The following ADAMTSL3 variants were observed in gnomAD, a reference collection of about 807,000 sequenced individuals.
ADAMTSL3 encodes the protein ADAMTS-like protein 3.
Under a neutral mutation model 201.7 loss-of-function variants are expected in ADAMTSL3, and 128 were observed. The ratio of observed to expected loss-of-function variants is 0.63; its 90% CI spans 0.55 to 0.73. The LOEUF (loss-of-function observed/expected upper bound fraction) is 0.73, where lower values mean the gene tolerates loss of function less well. Ranked by LOEUF, ADAMTSL3 falls within the 30% of genes least tolerant of loss-of-function variation. ADAMTSL3 has a pLI of 0.00. For synonymous variants in ADAMTSL3, 738 were observed against 748.4 expected, an observed-to-expected ratio of 0.99 and a Z score of 0.23; for missense variants, 1,990 against 2,119.6, an observed-to-expected ratio of 0.94 and a Z score of 1.20.
chr15:83,820,066 C>G lies in ADAMTSL3; in HGVS notation c.600+19C>G, dbSNP rs767700637. 1.3e-6 allele frequency: 2 copies of G among 1,594,452 alleles called. No homozygotes were observed. The highest frequency in any genetic ancestry group is 2.7e-5 in the African/African-American group (2 of 74,476). ...CTGTCAGGTAAGCACACTTACCTCC[C>G]AATCCCCTGCTTTGGGGATGTGCCA... On this transcript the variant is annotated intron_variant, in intron 6 of 29. Transcript: ENST00000286744.
At chr15:83,941,101 A>G (rs1430637718) in intron 17 of ADAMTSL3, among the ~76,000 whole-genome samples, 2 of 151,688 alleles carry the variant, frequency 1.3e-5, no homozygotes, top group Non-Finnish European at 2.9e-5. Flanking sequence ...CATTTTTCCT[A>G]TACTTCATAG....
intron 2 of ADAMTSL3, among the ~76,000 whole-genome samples, chr15:83,691,541 G>A (rs973916238): frequency 6.6e-6 from 1 of 152,194 alleles, no homozygotes; most frequent in African/African-American, 2.4e-5. Context: ...TCTAGTTTGT[G>A]TGATTTTCCA....
chr15:83,681,027 C>T (rs2061469740), intron 2 of ADAMTSL3, among the ~76,000 whole-genome samples: 2 of 151,968 alleles, frequency 1.3e-5, no homozygotes, highest in Non-Finnish European at 2.9e-5. Context: ...GGTTTTATTC[C>T]TGTTTACATA....
At chr15:83,909,465 A>T (rs2401175) in intron 15 of ADAMTSL3, among the ~76,000 whole-genome samples, 95,397 of 152,082 alleles carry the variant, frequency 0.63, 31,023 homozygotes, top group African/African-American at 0.79. Context: ...GAATCTCTAC[A>T]TGAAGAATCC....
chr15:83,866,624 G>T (rs1023695593), intron 8 of ADAMTSL3, among the ~76,000 whole-genome samples: 1 of 152,024 alleles, frequency 6.6e-6, no homozygotes, highest in Non-Finnish European at 1.5e-5. Flanking sequence ...TGGGGGGAGT[G>T]GGGAGGGATA....
chr15:83,780,941 C>A (rs188026918), intron 4 of ADAMTSL3, among the ~76,000 whole-genome samples: 3 of 152,274 alleles, frequency 2.0e-5, no homozygotes, highest in Non-Finnish European at 4.4e-5. Context: ...CAAAACACCA[C>A]TTGAAGAAAT....
chr15:83,714,926 C>T (rs1232175516), intron 3 of ADAMTSL3, among the ~76,000 whole-genome samples: 1 of 86,522 alleles, frequency 1.2e-5, no homozygotes, highest in African/African-American at 5.0e-5. Context: ...TCCTTCCTTC[C>T]TTCCTTCCTT....
At chr15:83,968,744 G>C (rs1008085333) in intron 19 of ADAMTSL3, among the ~76,000 whole-genome samples, 1 of 152,182 alleles carries the variant, frequency 6.6e-6, no homozygotes, top group Non-Finnish European at 1.5e-5. Flanking sequence ...CAATAGCAAA[G>C]ACTTGGAACC....
At chr15:83,661,523 T>C (rs1420891615) in intron 2 of ADAMTSL3, among the ~76,000 whole-genome samples, 2 of 152,114 alleles carry the variant, frequency 1.3e-5, no homozygotes, top group Non-Finnish European at 2.9e-5. Flanking sequence ...GATTCCTAGG[T>C]ATTTTATTCT....
At chr15:84,018,936 G>A (rs1427878508) in intron 25 of ADAMTSL3, among the ~76,000 whole-genome samples, 1 of 152,014 alleles carries the variant, frequency 6.6e-6, no homozygotes, top group Non-Finnish European at 1.5e-5. Flanking sequence ...CCTTATCAAA[G>A]ACACCAATAA....
intron 2 of ADAMTSL3, among the ~76,000 whole-genome samples, chr15:83,667,553 T>G (rs1379388024): frequency 1.4e-5 from 2 of 147,636 alleles, no homozygotes; most frequent in Non-Finnish European, 3.0e-5. Context: ...CTGTGAAGTT[T>G]GGATGTAGGG....
chr15:84,006,657 A>G (rs1473386047), intron 23 of ADAMTSL3, among the ~76,000 whole-genome samples: 1 of 152,214 alleles, frequency 6.6e-6, no homozygotes, highest in African/African-American at 2.4e-5. Flanking sequence ...TCTTGGGGGA[A>G]ATAGCCTGTC....
chr15:83,922,178 G>C (rs908923836), intron 16 of ADAMTSL3, among the ~76,000 whole-genome samples: 6 of 152,110 alleles, frequency 3.9e-5, no homozygotes, highest in Non-Finnish European at 7.4e-5. Flanking sequence ...GGTGAGAAGT[G>C]TCTAAGTAAC....
chr15:83,728,562 C>G (rs1440510622), intron 3 of ADAMTSL3, among the ~76,000 whole-genome samples: 1 of 151,574 alleles, frequency 6.6e-6, no homozygotes, highest in Non-Finnish European at 1.5e-5. Context: ...ATCTGGTAAC[C>G]CATTATTTTA....
intron 3 of ADAMTSL3, among the ~76,000 whole-genome samples, chr15:83,737,063 A>G (rs531029900): frequency 3.9e-5 from 6 of 152,320 alleles, no homozygotes; most frequent in East Asian, 1.9e-4. Flanking sequence ...TAAGGAAACT[A>G]TTACATTATG....
chr15:83,889,720 T>C (rs1190020998), intron 10 of ADAMTSL3, among the ~76,000 whole-genome samples: 1 of 152,104 alleles, frequency 6.6e-6, no homozygotes, highest in Non-Finnish European at 1.5e-5. Flanking sequence ...TGAATAACTC[T>C]CCTGCACCTG....
At chr15:83,661,258 G>T (rs1264162957) in intron 2 of ADAMTSL3, among the ~76,000 whole-genome samples, 1 of 151,914 alleles carries the variant, frequency 6.6e-6, no homozygotes, top group Non-Finnish European at 1.5e-5. Flanking sequence ...TTGACTTGGC[G>T]ATGCGGGCTC....
chr15:83,753,367 G>A (rs2062669605), intron 3 of ADAMTSL3, among the ~76,000 whole-genome samples: 1 of 152,166 alleles, frequency 6.6e-6, no homozygotes. Context: ...CCCTGCAGGT[G>A]GTCCAGAGCA....
intron 2 of ADAMTSL3, among the ~76,000 whole-genome samples, chr15:83,695,128 G>GTGTGT (rs2061662367): frequency 7.7e-6 from 1 of 130,624 alleles, no homozygotes; most frequent in Non-Finnish European, 1.7e-5. Flanking sequence ...TGTGTGTGTG[G>GTGTGT]GGGTATATTT....
Sources: gnomAD v4.1 joint callset for allele counts (sites outside exome capture counted in the v4.1 genomes callset) on GRCh38, gnomAD v4.1.1 for gene constraint, MANE v1.5 for transcripts, NCBI Gene and HGNC (gene_info 2026-07-23, HGNC 2026-07-21) for gene names.